The following NCEH1 variants were observed in gnomAD, a reference collection of about 807,000 sequenced individuals.
The protein encoded by NCEH1 is 2-acetyl MAGE hydrolase.
NCEH1 carries 9 observed loss-of-function variants against 25.4 expected under a neutral mutation model. That is an observed-to-expected ratio of 0.35 (90% CI 0.21 to 0.62). NCEH1 has a LOEUF of 0.62. NCEH1 is among the 20% of genes least tolerant of loss of function. The pLI is 0.72. For missense variants in NCEH1, 412 were observed against 501.1 expected, an observed-to-expected ratio of 0.82 and a Z score of 1.70; for synonymous variants, 200 against 199.8, an observed-to-expected ratio of 1.00 and a Z score of -0.01.
At chr3:172,641,732 A>T (rs1476200459) in intron 3 of NCEH1, among the ~76,000 whole-genome samples, 1 of 151,974 alleles carries the variant, frequency 6.6e-6, no homozygotes, top group East Asian at 1.9e-4. Context: ...CTCACATTTC[A>T]TTCCCTCACT....
chr3:172,677,695 G>A (rs372674518), intron 1 of NCEH1, among the ~76,000 whole-genome samples: 79 of 152,360 alleles, frequency 5.2e-4, no homozygotes, highest in African/African-American at 1.8e-3. Context: ...TTGGGAGGCC[G>A]AGGCGGGCGG....
Position 172,664,745 on chromosome 3 carries a change from G to A in NCEH1, c.139-16631C>T, listed in dbSNP as rs977131181. Among the ~76,000 whole-genome samples, 7 of 152,056 alleles carry A rather than the reference G, an allele frequency of 4.6e-5. No homozygotes were observed. In the East Asian group the frequency reaches 5.8e-4, roughly 13 times the overall value. On this transcript the variant is annotated intron_variant, in intron 1 of 4. Coordinates refer to ENST00000475381, the MANE Select transcript of NCEH1 (RefSeq NM_020792.6). ...ACTGACCCCCTTCTTCCACTTGATC[G>A]AATCGGCTACTGAAGCTTGTGCATG...
At chr3:172,665,553 T>C (rs6801166) in intron 1 of NCEH1, among the ~76,000 whole-genome samples, 2 of 152,228 alleles carry the variant, frequency 1.3e-5, no homozygotes, top group African/African-American at 4.8e-5. Context: ...CAGAAGTTTC[T>C]GCTGCCTTTT....
intron 1 of NCEH1, among the ~76,000 whole-genome samples, chr3:172,691,599 T>C (rs1164444726): frequency 6.6e-6 from 1 of 152,294 alleles, no homozygotes; most frequent in African/African-American, 2.4e-5. Flanking sequence ...TGGAATTACT[T>C]AGGAGTAATT....
At chr3:172,708,571 C>T (rs553104700) in intron 1 of NCEH1, among the ~76,000 whole-genome samples, 13 of 152,182 alleles carry the variant, frequency 8.5e-5, no homozygotes, top group African/African-American at 3.1e-4. Context: ...GGCCAGGCTG[C>T]TGGTCTCGAA....
chr3:172,672,764 T>A (rs1711710715), intron 1 of NCEH1, among the ~76,000 whole-genome samples: 1 of 152,124 alleles, frequency 6.6e-6, no homozygotes, highest in Non-Finnish European at 1.5e-5. Flanking sequence ...GCTGGCAAAG[T>A]CCAGGAGCCC....
At chr3:172,661,191 T>C (rs1717955702) in intron 1 of NCEH1, among the ~76,000 whole-genome samples, 2 of 152,240 alleles carry the variant, frequency 1.3e-5, no homozygotes, top group Admixed American at 6.5e-5. Flanking sequence ...TTTCTACATA[T>C]GGCTAGCCAG....
chr3:172,638,275 CCAAAAAAA>C (rs1308933313), intron 3 of NCEH1, among the ~76,000 whole-genome samples: 3 of 81,900 alleles, frequency 3.7e-5, no homozygotes, highest in Admixed American at 1.7e-4. Context: ...GAGACTCTGT[CCAAAAAAA>C]AAAAAAAAAA....
At position 172,651,343 on chromosome 3, in the gene NCEH1, T is replaced by C. The variant is rs565675153; in HGVS notation, c.139-3229A>G. ...CATTTGCATGTCTATATGATATCAA[T>C]GACAAACTCATGAATATTACCTAAC... On this transcript the variant is annotated intron_variant, in intron 1 of 4. Coordinates refer to ENST00000475381, the MANE Select transcript of NCEH1 (RefSeq NM_020792.6). 2.6e-5 allele frequency among the ~76,000 whole-genome samples: 4 copies of C among 152,308 alleles called. No homozygotes were observed. In the South Asian group the frequency reaches 8.3e-4, roughly 32 times the overall value.
At chr3:172,637,240 C>T (rs1015000828) in intron 3 of NCEH1, among the ~76,000 whole-genome samples, 2 of 151,936 alleles carry the variant, frequency 1.3e-5, no homozygotes, top group Non-Finnish European at 2.9e-5. Flanking sequence ...ATTTTGCAAA[C>T]GAAGAAACTA....
intron 1 of NCEH1, among the ~76,000 whole-genome samples, chr3:172,670,181 T>C (rs1711530959): frequency 6.6e-6 from 1 of 152,182 alleles, no homozygotes. Flanking sequence ...TTTCAATGAT[T>C]CTGAACATAA....
At chr3:172,670,883 A>C (rs1318296130) in intron 1 of NCEH1, among the ~76,000 whole-genome samples, 1 of 152,224 alleles carries the variant, frequency 6.6e-6, no homozygotes, top group Non-Finnish European at 1.5e-5. Context: ...GAATAATGGA[A>C]GATTTTTCCC....
In NCEH1 at chr3:172,708,104, A is replaced by T. The variant is rs183565585; in HGVS notation, c.138+2743T>A. 1.6e-3 allele frequency among the ~76,000 whole-genome samples: 238 copies of T among 151,958 alleles called. 2 individuals are homozygous for T. The highest frequency in any genetic ancestry group is 2.0e-3 in the Non-Finnish European group (138 of 67,978). On this transcript the variant is annotated intron_variant, in intron 1 of 4. Transcript: ENST00000475381. ...ATGGGGAACCCCAAGGAAAAAAAGC[A>T]CAATGAACATAATCTCAATAGTCTG...
At chr3:172,667,128 GCT>G (rs35563054) in intron 1 of NCEH1, among the ~76,000 whole-genome samples, 12 of 152,334 alleles carry the variant, frequency 7.9e-5, no homozygotes, top group Non-Finnish European at 1.8e-4. Flanking sequence ...AAACAGGAGA[GCT>G]CTGTTTTCAA....
intron 1 of NCEH1, among the ~76,000 whole-genome samples, chr3:172,665,777 G>A (rs530901914): frequency 5.3e-4 from 81 of 152,282 alleles, no homozygotes; most frequent in African/African-American, 1.8e-3. Context: ...CATGGGTGTC[G>A]GACCCGCCGA....
intron 1 of NCEH1, among the ~76,000 whole-genome samples, chr3:172,678,973 G>A (rs887408995): frequency 7.2e-5 from 11 of 152,166 alleles, no homozygotes; most frequent in African/African-American, 2.2e-4. Context: ...AGAGTACACC[G>A]AACAAAGGAG....
chr3:172,633,280 G>T lies in NCEH1; in HGVS notation c.*195C>A. 1 of 610,378 alleles carries T rather than the reference G, an allele frequency of 1.6e-6. No individual in the cohort carries two copies. The highest frequency in any genetic ancestry group is 2.8e-6 in the Non-Finnish European group (1 of 351,542). 37.8% of individuals were successfully genotyped at this position (610,378 alleles called of 1,614,324 possible). A position where few individuals can be genotyped will look rare whatever the true frequency, so the allele number is the denominator to read the frequency against. On this transcript the variant is annotated 3_prime_UTR_variant, in exon 5 of 5. Transcript: ENST00000475381. ...CCCACTCTGGGAACCAAATTTACAT[G>T]TTTTGCACTTAAGTTAGTCAAATTC...
intron 2 of NCEH1, 100 bp downstream of exon 2, chr3:172,647,786 A>T: frequency 6.7e-7 from 1 of 1,491,082 alleles, no homozygotes. Flanking sequence ...AACCTAGATA[A>T]ATGGTCCCCT....
At chr3:172,660,445 T>C (rs1392132061) in intron 1 of NCEH1, among the ~76,000 whole-genome samples, 1 of 152,192 alleles carries the variant, frequency 6.6e-6, no homozygotes, top group African/African-American at 2.4e-5. Flanking sequence ...TACATGTGCA[T>C]GTGTCTTTAT....
Sources: allele counts gnomAD v4.1 joint callset (sites outside exome capture counted in the v4.1 genomes callset), GRCh38; gene constraint gnomAD v4.1.1; transcripts MANE v1.5; gene names NCBI Gene and HGNC (gene_info 2026-07-23, HGNC 2026-07-21).